The following SOD2 variants were observed in gnomAD, a reference collection of about 807,000 sequenced individuals.
SOD2 encodes the protein superoxide dismutase [Mn], mitochondrial.
SOD2 carries 11 observed loss-of-function variants against 27.0 expected under a neutral mutation model. The ratio of observed to expected loss-of-function variants is 0.41; its 90% CI spans 0.26 to 0.67. The LOEUF is 0.67. Ranked by LOEUF, SOD2 falls within the 30% of genes least tolerant of loss-of-function variation. The probability of loss-of-function intolerance (pLI) is 0.34; values close to 1 mark genes in which losing one functional copy is unlikely to be tolerated. For synonymous variants in SOD2, 105 were observed against 103.0 expected (o/e 1.02, Z -0.12); for missense variants, 250 against 274.5 (o/e 0.91, Z 0.63).
intron 1 of SOD2, among the ~76,000 whole-genome samples, chr6:159,717,030 G>A (rs1304261100): frequency 2.6e-5 from 4 of 152,310 alleles, no homozygotes; most frequent in African/African-American, 9.6e-5. Context: ...TCAGAAAGCT[G>A]CTATTATTTG....
At chr6:159,702,301 T>C (rs1188666782) in intron 1 of SOD2, among the ~76,000 whole-genome samples, 1 of 151,686 alleles carries the variant, frequency 6.6e-6, no homozygotes, top group Non-Finnish European at 1.5e-5. Context: ...TAAAATTTTT[T>C]TTTTTTTTTT....
intron 1 of SOD2, chr6:159,726,705 G>A (rs1420366785): frequency 5.0e-6 from 6 of 1,209,162 alleles, no homozygotes; most frequent in East Asian, 5.8e-5. Flanking sequence ...CAACGCCGCG[G>A]ACACAGCGCA....
chr6:159,692,078 T>C, intron 2 of SOD2: 1 of 160,136 alleles, frequency 6.2e-6, no homozygotes, highest in Non-Finnish European at 1.4e-5. Context: ...ACAAGGACCA[T>C]GGTTCCTAGC....
At chr6:159,726,496 G>A in intron 1 of SOD2, 1 of 304,324 alleles carries the variant, frequency 3.3e-6, no homozygotes, top group Non-Finnish European at 6.5e-6. Context: ...GCTAAGGACA[G>A]ACCAATCAAA....
At chr6:159,750,920 G>A (rs1293967302) in intron 1 of SOD2, among the ~76,000 whole-genome samples, 3 of 152,154 alleles carry the variant, frequency 2.0e-5, no homozygotes, top group East Asian at 1.9e-4. Flanking sequence ...GTGTGTCTTC[G>A]CTTTACTGTT....
intron 1 of SOD2, chr6:159,736,362 T>A (rs1056330952): frequency 1.7e-4 from 200 of 1,170,812 alleles, no homozygotes; most frequent in Admixed American, 4.2e-4. Flanking sequence ...TTAAGCACTT[T>A]AAAAAAAAAT....
intron 1 of SOD2, chr6:159,743,544 GTAGT>G (rs1779387819): frequency 8.3e-6 from 8 of 958,212 alleles, no homozygotes; most frequent in Non-Finnish European, 1.2e-5. Context: ...TGTTATAAAA[GTAGT>G]TAGGATGGAA....
intron 1 of SOD2, among the ~76,000 whole-genome samples, chr6:159,701,522 G>A (rs1255710346): frequency 6.9e-6 from 1 of 145,784 alleles, no homozygotes; most frequent in Non-Finnish European, 1.5e-5. Context: ...AGTGAGCCAC[G>A]ATCATGCCAC....
chr6:159,694,120 G>C (rs1777370612), upstream of SOD2, among the ~76,000 whole-genome samples: 1 of 152,232 alleles, frequency 6.6e-6, no homozygotes, highest in Non-Finnish European at 1.5e-5. Flanking sequence ...GTCATGTTTT[G>C]TGTGTTTACA....
At chr6:159,757,620 C>G (rs759207941) in intron 1 of SOD2, among the ~76,000 whole-genome samples, 1 of 152,016 alleles carries the variant, frequency 6.6e-6, no homozygotes, top group Non-Finnish European at 1.5e-5. Context: ...ACTGTGTTGG[C>G]CAGGCTGGTC....
chr6:159,726,633 T>C (rs1441478645), intron 1 of SOD2: 4 of 485,810 alleles, frequency 8.2e-6, no homozygotes, highest in South Asian at 5.9e-5. Context: ...AGGACCTCTT[T>C]GATTGAGTTC....
intron 1 of SOD2, chr6:159,713,828 C>T: frequency 9.1e-7 from 1 of 1,104,490 alleles, no homozygotes; most frequent in Non-Finnish European, 1.4e-6. Context: ...AAATGCTTCA[C>T]CACTTGGTCT....
At chr6:159,762,102 A>T (rs760112731) in exon 1 of SOD2, 5 of 1,613,256 alleles carry the variant, frequency 3.1e-6, no homozygotes, top group Non-Finnish European at 4.2e-6. Context: ...ATGCAGGCTC[A>T]GATCCTGTGG....
intron 1 of SOD2, chr6:159,714,116 G>C: frequency 3.7e-6 from 2 of 537,406 alleles, no homozygotes; most frequent in African/African-American, 1.9e-5. Context: ...GCTCACATAA[G>C]CAAGTGATCA....
At chr6:159,702,779 G>A (rs1306064218) in intron 1 of SOD2, among the ~76,000 whole-genome samples, 3 of 143,008 alleles carry the variant, frequency 2.1e-5, no homozygotes, top group Non-Finnish European at 4.5e-5. Context: ...GAGCCCAGAA[G>A]GCAGAGGATG....
upstream of SOD2, chr6:159,748,411 C>T: frequency 6.2e-7 from 1 of 1,605,880 alleles, no homozygotes; most frequent in Non-Finnish European, 8.5e-7. The surrounding 1 kb of genome is among the most constrained non-coding windows in gnomAD (Gnocchi z 5.6). Context: ...CCCTGACAGT[C>T]CCACTACGAG....
chr6:159,709,709 C>A (rs539440438), intron 1 of SOD2, among the ~76,000 whole-genome samples: 1 of 152,070 alleles, frequency 6.6e-6, no homozygotes, highest in Non-Finnish European at 1.5e-5. Flanking sequence ...GACAGTGTGG[C>A]GATTCCTCAG....
At chr6:159,697,685 T>C (rs1394362139), upstream of SOD2, among the ~76,000 whole-genome samples, 1 of 152,164 alleles carries the variant, frequency 6.6e-6, no homozygotes, top group African/African-American at 2.4e-5. Context: ...AGATCCTCCA[T>C]GTTGCTAGCT....
upstream of SOD2, chr6:159,693,308 C>T: frequency 1.9e-6 from 1 of 525,592 alleles, no homozygotes; most frequent in Non-Finnish European, 3.0e-6. Context: ...CCAGCTGCGC[C>T]GCAAGGGCAC....
Sources: allele counts gnomAD v4.1 joint callset (sites outside exome capture counted in the v4.1 genomes callset), GRCh38; gene constraint gnomAD v4.1.1; non-coding constraint Gnocchi (gnomAD v3.1); transcripts MANE v1.5; gene names NCBI Gene and HGNC (gene_info 2026-07-23, HGNC 2026-07-21).